Variants in ACTR5 observed in about 807,000 individuals in gnomAD.
ACTR5 encodes actin related protein 5.
A neutral mutation model predicts 61.2 loss-of-function variants in ACTR5; 43 were observed. The ratio of observed to expected loss-of-function variants is 0.70; its 90% CI spans 0.55 to 0.91. The LOEUF is 0.91. Ranked by LOEUF, ACTR5 falls within the 40% of genes least tolerant of loss-of-function variation. The pLI, the probability that ACTR5 is intolerant of heterozygous loss-of-function variation, is 0.00. For missense variants in ACTR5, 798 were observed against 782.2 expected (o/e 1.02, Z -0.24); for synonymous variants, 333 against 310.5 (o/e 1.07, Z -0.76).
chr20:38,755,955 C>G lies in ACTR5; in HGVS notation c.1092C>G (p.Leu364=), dbSNP rs758867787. 6.2e-7 allele frequency: 1 copy of G among 1,614,140 alleles called. No homozygotes were observed. The highest frequency in any genetic ancestry group is 8.5e-7 in the Non-Finnish European group (1 of 1,180,030). The change falls in exon 5 of 9, where the codon CTC becomes CTG. Residue 364 remains leucine (L), a synonymous_variant. Coordinates refer to ENST00000243903, the MANE Select transcript of ACTR5 (RefSeq NM_024855.4). Reference sequence around the variant, plus strand: ...AGCTGCAGTCCTACATCCAGAAGCTCAGTATAGCAGTGGAGCAGGCTAAGC... The same window carrying G: ...AGCTGCAGTCCTACATCCAGAAGCTGAGTATAGCAGTGGAGCAGGCTAAGC... The part of the protein sequence containing the change: ...PEELQSYIQK[L]SIAVEQAKQK...
At chr20:38,765,549 T>C in intron 6 of ACTR5, 31 bp downstream of exon 6, 1 of 1,568,884 alleles carries the variant, frequency 6.4e-7, no homozygotes, top group South Asian at 1.1e-5. Flanking sequence ...AACATGCTTA[T>C]TCTTTGAAGG....
Position 38,771,714 on chromosome 20 carries a change from T to C in ACTR5, c.1722T>C (p.Tyr574=), listed in dbSNP as rs887462181. Residue 574 remains tyrosine (Y), a synonymous_variant, in exon 9 of 9, where the codon TAT becomes TAC. Transcript: ENST00000243903. Reference sequence around the variant, plus strand: ...AGGAGCACTGTGCTTCCAACATCTATGTCCCCATCCGCCTGCCGAAGCAGG... The same window carrying C: ...AGGAGCACTGTGCTTCCAACATCTACGTCCCCATCCGCCTGCCGAAGCAGG... ...YLKEHCASNI[Y]VPIRLPKQAS... The C allele has an allele frequency of 3.1e-6, 5 of 1,614,062 alleles. No homozygotes were observed. Among genetic ancestry groups the C allele is most frequent in the Non-Finnish European group, 3.4e-6 (4 of 1,180,028 alleles).
intron 3 of ACTR5, among the ~76,000 whole-genome samples, chr20:38,754,525 TG>T (rs2084406356): frequency 6.6e-6 from 1 of 151,698 alleles, no homozygotes; most frequent in African/African-American, 2.4e-5. Context: ...AAGACCATCC[TG>T]GGTAACATGG....
chr20:38,759,376 AG>A (rs2084440135), intron 5 of ACTR5, among the ~76,000 whole-genome samples: 1 of 88,706 alleles, frequency 1.1e-5, no homozygotes, highest in Non-Finnish European at 2.7e-5. Context: ...AACTCTAGCG[AG>A]AGAGAAGCCA....
intron 8 of ACTR5, among the ~76,000 whole-genome samples, chr20:38,767,907 C>T (rs914632836): frequency 2.0e-5 from 3 of 152,194 alleles, no homozygotes; most frequent in Non-Finnish European, 4.4e-5. Flanking sequence ...TACATTGGAG[C>T]GTTCCAGACA....
Position 38,772,326 on chromosome 20 carries a change from C to T in ACTR5, c.*510C>T, listed in dbSNP as rs1159803543. 1.8e-5 allele frequency: 3 copies of T among 163,206 alleles called. No individual in the cohort carries two copies. Among genetic ancestry groups the T allele is most frequent in the African/African-American group, 7.2e-5 (3 of 41,588 alleles). The allele number at this position is 163,206 out of a possible 1,614,324, so 10.1% of individuals were successfully genotyped here. A position where few individuals can be genotyped will look rare whatever the true frequency, so the allele number is the denominator to read the frequency against. ...ACAGTGGCACGTGCCTGTTAAGGCC[C>T]AGCTTTGTGGGAGGCTAAGGCAGGA... On this transcript the variant is annotated 3_prime_UTR_variant, in exon 9 of 9. Coordinates refer to ENST00000243903, the MANE Select transcript of ACTR5 (RefSeq NM_024855.4).
chr20:38,767,420 A>G (rs991618542), intron 7 of ACTR5, 44 bp from the exon 8 acceptor site: 3 of 1,532,198 alleles, frequency 2.0e-6, no homozygotes, highest in African/African-American at 1.4e-5. Context: ...TTTCGTTCTG[A>G]TATTTGAGTT....
chr20:38,754,057 G>A (rs749799169), intron 3 of ACTR5, among the ~76,000 whole-genome samples: 17 of 151,786 alleles, frequency 1.1e-4, no homozygotes, highest in Non-Finnish European at 1.9e-4. Context: ...CCTTTATTTC[G>A]CCCGGTTTAT....
chr20:38,765,837 G>A (rs2084483144), intron 6 of ACTR5, among the ~76,000 whole-genome samples: 1 of 152,172 alleles, frequency 6.6e-6, no homozygotes, highest in Non-Finnish European at 1.5e-5. Flanking sequence ...AATCCTCTTT[G>A]GAATCTATGT....
At chr20:38,760,087 G>T (rs1218407707) in intron 5 of ACTR5, among the ~76,000 whole-genome samples, 1 of 151,086 alleles carries the variant, frequency 6.6e-6, no homozygotes, top group Non-Finnish European at 1.5e-5. Context: ...TTGGGAGTTC[G>T]AGGCTGCAGT....
intron 3 of ACTR5, among the ~76,000 whole-genome samples, chr20:38,753,471 C>A (rs560641334): frequency 5.9e-5 from 9 of 151,482 alleles, no homozygotes; most frequent in Non-Finnish European, 1.0e-4. Flanking sequence ...TATTTGATTC[C>A]ATTTATGTGA....
At chr20:38,760,808 C>T (rs1008140232) in intron 5 of ACTR5, among the ~76,000 whole-genome samples, 2 of 152,050 alleles carry the variant, frequency 1.3e-5, no homozygotes, top group Non-Finnish European at 1.5e-5. Flanking sequence ...TGCCTTTTGA[C>T]CAAGTTTGGG....
In ACTR5 at chr20:38,750,165, G is replaced by T. The variant is rs768522307; in HGVS notation, c.531G>T (p.Lys177Asn). The change falls in exon 2 of 9, where the codon AAG becomes AAT. Residue 177 changes from lysine to asparagine, a missense_variant. Coordinates refer to ENST00000243903, the MANE Select transcript of ACTR5 (RefSeq NM_024855.4). ...TCAGCTTCTACCACAATAAGCCAAA[G>T]AACTCGATGTGCAGTGGGCTAATCA... is the stretch of plus-strand genomic sequence containing the variant. ...SLFSFYHNKPKNSMCSGLIIS... is the reference protein window; with the variant it reads ...SLFSFYHNKPNNSMCSGLIIS... The T allele has an allele frequency of 1.2e-6, 2 of 1,614,202 alleles. No homozygotes were observed. Among genetic ancestry groups the T allele is most frequent in the Middle Eastern group, 1.6e-4 (1 of 6,062 alleles).
chr20:38,752,463 A>G (rs2084393205), intron 3 of ACTR5, among the ~76,000 whole-genome samples, 163 bp downstream of exon 3: 1 of 152,190 alleles, frequency 6.6e-6, no homozygotes, highest in African/African-American at 2.4e-5. Flanking sequence ...CTTATGTTGT[A>G]TAGGTTCCCT....
At chr20:38,768,783 A>G (rs898176798) in intron 8 of ACTR5, among the ~76,000 whole-genome samples, 34 of 152,182 alleles carry the variant, frequency 2.2e-4, no homozygotes, top group Non-Finnish European at 7.4e-5. Context: ...CCACCCTTGT[A>G]AGTATGCCTT....
intron 3 of ACTR5, among the ~76,000 whole-genome samples, chr20:38,753,885 T>C (rs1429902655): frequency 1.3e-5 from 2 of 151,684 alleles, no homozygotes; most frequent in Non-Finnish European, 2.9e-5. Context: ...TTTTTTTTTT[T>C]TTTTTAAAGT....
At chr20:38,770,922 A>AGGGAGGT (rs113884284) in intron 8 of ACTR5, among the ~76,000 whole-genome samples, 12,550 of 152,100 alleles carry the variant, frequency 0.083, 550 homozygotes, top group Admixed American at 0.12. Flanking sequence ...GGGAGGTGAG[A>AGGGAGGT]GGGAGGTAGG....
In ACTR5 at chr20:38,748,773, G is replaced by T. The variant is rs1464868128; in HGVS notation, c.295G>T (p.Asp99Tyr). The T allele has an allele frequency of 1.0e-5, 16 of 1,606,934 alleles. No homozygotes were observed. Among genetic ancestry groups the T allele is most frequent in the Non-Finnish European group, 1.3e-5 (15 of 1,178,236 alleles). ...GCGCTGGATGCTGCGCTCGCCCTTC[G>T]ACCGCAACGTGCCGGTCAACCTGGA... is the stretch of plus-strand genomic sequence containing the variant. ...PLRWMLRSPF[D>Y]RNVPVNLELQ... Residue 99 changes from aspartate to tyrosine, a missense_variant, in exon 1 of 9, where the codon GAC becomes TAC. Asp to Tyr is a radical substitution (Grantham distance 160). Transcript: ENST00000243903.
chr20:38,769,364 C>T (rs1005620042), intron 8 of ACTR5, among the ~76,000 whole-genome samples: 1 of 152,144 alleles, frequency 6.6e-6, no homozygotes, highest in African/African-American at 2.4e-5. Flanking sequence ...GGTAGCTCTG[C>T]AGGAAATACA....
Sources: allele counts gnomAD v4.1 joint callset (sites outside exome capture counted in the v4.1 genomes callset), GRCh38; gene constraint gnomAD v4.1.1; transcripts MANE v1.5; gene names NCBI Gene and HGNC (gene_info 2026-07-23, HGNC 2026-07-21).